Variants in RREB1 observed in about 807,000 individuals in gnomAD.
RREB1 encodes ras responsive element binding protein 1, also known as ras-responsive element-binding protein 1.
In RREB1, 27 loss-of-function variants were observed where a neutral mutation model predicts 117.8. That is an observed-to-expected ratio of 0.23 (90% CI 0.17 to 0.32). The LOEUF (loss-of-function observed/expected upper bound fraction) is 0.32, where lower values mean the gene tolerates loss of function less well. Ranked by LOEUF, RREB1 falls within the 10% of genes least tolerant of loss-of-function variation. RREB1 has a pLI of 1.00. For missense variants in RREB1, 2,577 were observed against 2,378.2 expected, an observed-to-expected ratio of 1.08 and a Z score of -1.74; for synonymous variants, 1,298 against 1,026.7, an observed-to-expected ratio of 1.26 and a Z score of -5.05.
chr6:7,200,813 A>G (rs1272212418), intron 6 of RREB1, among the ~76,000 whole-genome samples: 2 of 152,110 alleles, frequency 1.3e-5, no homozygotes, highest in East Asian at 3.8e-4. Context: ...GTTTTTTATC[A>G]TTTGGCCAAC....
Position 7,240,605 on chromosome 6 carries a change from A to AGT in RREB1, c.3973+5_3973+6dup. On this transcript the variant is annotated splice_donor_region_variant and intron_variant, in intron 11 of 12. Transcript: ENST00000379938. ...TGTTGGATCCCATGATAGCACAGGT[A>AGT]GTGCCGCCAGGTGAACAAGAACCCA... is the stretch of plus-strand genomic sequence containing the variant. 6.2e-7 allele frequency: 1 copy of AGT among 1,607,796 alleles called. No homozygotes were observed. The highest frequency in any genetic ancestry group is 8.5e-7 in the Non-Finnish European group (1 of 1,176,334).
chr6:7,162,285 A>G (rs1490383413), intron 1 of RREB1, among the ~76,000 whole-genome samples: 1 of 151,892 alleles, frequency 6.6e-6, no homozygotes, highest in Non-Finnish European at 1.5e-5. Context: ...AAAAAAAAAA[A>G]GAATGAATTC....
intron 8 of RREB1, chr6:7,219,224 C>T (rs921622618): frequency 1.3e-5 from 2 of 151,482 alleles, no homozygotes; most frequent in African/African-American, 2.4e-5. Context: ...GAGCTGAGAT[C>T]GCACCACTGC....
intron 1 of RREB1, among the ~76,000 whole-genome samples, chr6:7,161,162 G>A (rs1440734565): frequency 2.6e-5 from 4 of 152,148 alleles, no homozygotes; most frequent in Non-Finnish European, 5.9e-5. Context: ...GGTGGGACCA[G>A]GTTCAAGCAG....
At chr6:7,247,627 C>G (rs917142554) in intron 12 of RREB1, among the ~76,000 whole-genome samples, 1 of 152,112 alleles carries the variant, frequency 6.6e-6, no homozygotes, top group East Asian at 1.9e-4. Context: ...CTGCCCCAGG[C>G]CGCTGTGGGG....
At chr6:7,157,728 A>C (rs191968458) in intron 1 of RREB1, among the ~76,000 whole-genome samples, 1 of 151,908 alleles carries the variant, frequency 6.6e-6, no homozygotes, top group African/African-American at 2.4e-5. Context: ...CCATACTCCA[A>C]CCTGGGTGAC....
intron 1 of RREB1, among the ~76,000 whole-genome samples, chr6:7,165,783 G>A (rs986478534): frequency 6.6e-6 from 1 of 152,104 alleles, no homozygotes; most frequent in Non-Finnish European, 1.5e-5. Context: ...TATTGCCCGG[G>A]TATGAAAGAG....
rs1769392348 is a variant in RREB1 at position 7,251,178 on chromosome 6, C to T, written c.*2210C>T. ...CTGGGGCTGCCGCTCGCAATAATCACTATTGATTTAAAGCTTTACTTAGCC... is the reference window on the plus strand; with the variant it reads ...CTGGGGCTGCCGCTCGCAATAATCATTATTGATTTAAAGCTTTACTTAGCC... On this transcript the variant is annotated 3_prime_UTR_variant, in exon 13 of 13. Transcript: ENST00000379938. 2 of 152,164 alleles carry T rather than the reference C, an allele frequency of 1.3e-5. No homozygotes were observed. Among genetic ancestry groups the T allele is most frequent in the African/African-American group, 4.8e-5 (2 of 41,438 alleles). The allele number at this position is 152,164 out of a possible 1,614,324, so 9.4% of individuals were successfully genotyped here.
At chr6:7,176,080 C>T (rs1026381355) in intron 1 of RREB1, among the ~76,000 whole-genome samples, 4 of 152,162 alleles carry the variant, frequency 2.6e-5, no homozygotes, top group African/African-American at 9.7e-5. Flanking sequence ...CCACACCCAG[C>T]TGATTTTTGT....
rs758092379 is a variant in RREB1 at position 7,247,100 on chromosome 6, A to G, written c.4650A>G (p.Pro1550=). The G allele has an allele frequency of 2.0e-5, 33 of 1,613,696 alleles. No individual in the cohort carries two copies. The highest frequency in any genetic ancestry group is 1.6e-4 in the Middle Eastern group (1 of 6,084). Residue 1550 remains proline, a synonymous_variant, in exon 12 of 13, where the codon CCA becomes CCG. Coordinates refer to ENST00000379938, the MANE Select transcript of RREB1 (RefSeq NM_001003699.4). ...SSEKSDDDKK[P]KTDSPKSVAS... ...AGAAGAGCGACGATGACAAGAAACC[A>G]AAGACAGACTCCCCCAAAAGCGTGG...
intron 1 of RREB1, among the ~76,000 whole-genome samples, chr6:7,138,619 T>C (rs1245821820): frequency 6.6e-6 from 1 of 152,232 alleles, no homozygotes; most frequent in Non-Finnish European, 1.5e-5. Context: ...TAAACAGTGC[T>C]CTGAAAATTG....
intron 6 of RREB1, among the ~76,000 whole-genome samples, chr6:7,195,452 T>C (rs1012921006): frequency 2.0e-5 from 3 of 152,192 alleles, no homozygotes; most frequent in African/African-American, 7.2e-5. Context: ...TCTGAGACTC[T>C]AGTAGTGAGC....
chr6:7,208,177 T>G (rs1766381175), intron 6 of RREB1, among the ~76,000 whole-genome samples: 1 of 152,142 alleles, frequency 6.6e-6, no homozygotes, highest in Non-Finnish European at 1.5e-5. Context: ...ATTGGAATAC[T>G]CTCTTTCCCA....
intron 6 of RREB1, among the ~76,000 whole-genome samples, chr6:7,191,482 C>G (rs1765403982): frequency 6.6e-6 from 1 of 152,106 alleles, no homozygotes; most frequent in South Asian, 2.1e-4. Flanking sequence ...TTGGTAGACA[C>G]TTAGGAATGG....
rs1561811963 is a variant in RREB1, at chr6:7,249,058, GGAGTGA to G, written c.*94_*99del. ...TTCCTCAGTGCCCTTTGGCTGTTGA[GGAGTGA>G]GAGAGAGAGAGAGAGAGAGAGAGAG... is the stretch of plus-strand genomic sequence containing the variant. On this transcript the variant is annotated 3_prime_UTR_variant, in exon 13 of 13. Transcript: ENST00000379938. The G allele has an allele frequency of 6.5e-6, 5 of 763,548 alleles. No homozygotes were observed. The highest frequency in any genetic ancestry group is 5.9e-5 in the South Asian group (3 of 50,806). 47.3% of individuals were successfully genotyped at this position (763,548 alleles called of 1,614,324 possible).
At position 7,230,542 on chromosome 6, in the gene RREB1, C is replaced by G. The variant is rs1215108101; in HGVS notation, c.2443C>G (p.His815Asp). ...CCACCACATCCTCAAGCAGCACCTG[C>G]ACGTGCCCGAGCAGGACATCGAGAG... ...CIHHILKQHL[H>D]VPEQDIESYV... The change falls in exon 10 of 13, where the codon CAC becomes GAC. Residue 815 changes from histidine (H) to aspartate (D), a missense_variant. Coordinates refer to ENST00000379938, the MANE Select transcript of RREB1 (RefSeq NM_001003699.4). The G allele has an allele frequency of 2.5e-6, 4 of 1,597,622 alleles. No homozygotes were observed. The highest frequency in any genetic ancestry group is 3.4e-6 in the Non-Finnish European group (4 of 1,176,322).
At chr6:7,121,212 G>T (rs1424064627) in intron 1 of RREB1, among the ~76,000 whole-genome samples, 1 of 152,048 alleles carries the variant, frequency 6.6e-6, no homozygotes, top group Non-Finnish European at 1.5e-5. Flanking sequence ...TACCCACTTT[G>T]GCCTTCCAAA....
chr6:7,229,059 C>T lies in RREB1; in HGVS notation c.960C>T (p.Thr320=). The part of the protein sequence containing the change: ...ISEQHRFVCD[T]CDKAFPMLCS... ...AGCAACACCGTTTTGTCTGCGACAC[C>T]TGTGACAAGGCGTTCCCCATGCTCT... Residue 320 remains threonine (T), a synonymous_variant, in exon 10 of 13, where the codon ACC becomes ACT. Transcript: ENST00000379938. This position sits in a 1 kb window ranked among gnomAD's most constrained non-coding sequence, Gnocchi z 4.5. 6.4e-7 allele frequency: 1 copy of T among 1,568,562 alleles called. No individual in the cohort carries two copies. The highest frequency in any genetic ancestry group is 1.8e-5 in the Admixed American group (1 of 55,158).
chr6:7,207,818 G>A (rs1766362640), intron 6 of RREB1, among the ~76,000 whole-genome samples: 1 of 152,250 alleles, frequency 6.6e-6, no homozygotes, highest in African/African-American at 2.4e-5. Flanking sequence ...TTGAAGAGCT[G>A]CCACGCAGAT....
Sources: gnomAD v4.1 joint callset for allele counts (sites outside exome capture counted in the v4.1 genomes callset) on GRCh38, gnomAD v4.1.1 for gene constraint, Gnocchi (gnomAD v3.1) non-coding constraint, MANE v1.5 for transcripts, NCBI Gene and HGNC (gene_info 2026-07-23, HGNC 2026-07-21) for gene names.